GPR137B: variants seen among roughly 807,000 people sequenced by gnomAD.
The protein encoded by GPR137B is G protein-coupled receptor 137B.
In GPR137B, 42 loss-of-function variants were observed where a neutral mutation model predicts 42.5. The ratio of observed to expected loss-of-function variants is 0.99; its 90% confidence interval spans 0.77 to 1.28. The LOEUF (loss-of-function observed/expected upper bound fraction) is 1.28. Ranked by LOEUF, GPR137B falls within the 50% of genes most tolerant of loss-of-function variation. GPR137B has a pLI of 0.00. For missense variants in GPR137B, 487 were observed against 493.9 expected (o/e 0.99, Z 0.13); for synonymous variants, 218 against 209.7 (o/e 1.04, Z -0.34).
intron 1 of GPR137B, among the ~76,000 whole-genome samples, chr1:236,143,837 C>T (rs748052332): frequency 6.6e-6 from 1 of 152,188 alleles, no homozygotes; most frequent in Non-Finnish European, 1.5e-5. Context: ...AATGAAAGTG[C>T]AGTAATTGTT....
intron 5 of GPR137B, among the ~76,000 whole-genome samples, chr1:236,199,341 G>A (rs906057428): frequency 1.3e-5 from 2 of 151,974 alleles, no homozygotes; most frequent in Non-Finnish European, 2.9e-5. Flanking sequence ...ATGTTCATCA[G>A]GGATAAACAT....
At chr1:236,189,594 C>G (rs1403980938) in intron 5 of GPR137B, among the ~76,000 whole-genome samples, 1 of 152,154 alleles carries the variant, frequency 6.6e-6, no homozygotes, top group East Asian at 1.9e-4. Flanking sequence ...CATTCAGGAG[C>G]AGGTTATTCA....
intron 5 of GPR137B, among the ~76,000 whole-genome samples, chr1:236,187,030 A>G (rs1002668759): frequency 1.4e-4 from 22 of 152,164 alleles, no homozygotes; most frequent in African/African-American, 5.1e-4. Context: ...TGACTTTTTA[A>G]TGATCGCCAT....
chr1:236,149,809 C>T (rs1394166539), intron 1 of GPR137B, among the ~76,000 whole-genome samples: 2 of 152,290 alleles, frequency 1.3e-5, no homozygotes, highest in Non-Finnish European at 2.9e-5. Flanking sequence ...GCTCAGTGGG[C>T]TCATGGCCAG....
In GPR137B at chr1:236,183,903, C is replaced by G. The variant is rs1341886674; in HGVS notation, c.963C>G (p.Asp321Glu). Residue 321 changes from aspartate to glutamate, a missense_variant, in exon 5 of 7, where the codon GAC becomes GAG. Transcript: ENST00000366592. The stretch of plus-strand genomic sequence containing the variant: ...TCCGAGTTAGAAATCCTACAAAGGA[C>G]CTTGTAAGTAAACCATTTTACATTT... ...YFFRVRNPTK[D>E]LTNPGMVPSH... is the part of the protein sequence containing the mutation. 6.2e-7 allele frequency: 1 copy of G among 1,605,826 alleles called. No individual in the cohort carries two copies. Among genetic ancestry groups the G allele is most frequent in the South Asian group, 1.1e-5 (1 of 90,584 alleles).
intron 1 of GPR137B, among the ~76,000 whole-genome samples, chr1:236,147,742 C>T (rs1020484615): frequency 2.0e-5 from 3 of 152,210 alleles, no homozygotes; most frequent in Non-Finnish European, 4.4e-5. Flanking sequence ...CCCGGGCCCC[C>T]TTCCTGCCCA....
At chr1:236,196,980 A>G (rs987038339) in intron 5 of GPR137B, among the ~76,000 whole-genome samples, 22 of 152,248 alleles carry the variant, frequency 1.4e-4, no homozygotes, top group African/African-American at 5.1e-4. Flanking sequence ...GTAGATACCC[A>G]GTAAGTGGGA....
intron 1 of GPR137B, among the ~76,000 whole-genome samples, chr1:236,149,403 A>T (rs1661773473): frequency 6.6e-6 from 1 of 152,106 alleles, no homozygotes. Context: ...AGGCTGACCG[A>T]TCCGTGCTTG....
chr1:236,194,563 G>T (rs1285167781), intron 5 of GPR137B, among the ~76,000 whole-genome samples: 2 of 152,130 alleles, frequency 1.3e-5, no homozygotes, highest in Non-Finnish European at 2.9e-5. Flanking sequence ...CTTTTAAATA[G>T]GTCACTGATG....
At chr1:236,201,964 TCTC>T (rs1222661629) in intron 5 of GPR137B, among the ~76,000 whole-genome samples, 1 of 152,062 alleles carries the variant, frequency 6.6e-6, no homozygotes, top group African/African-American at 2.4e-5. Context: ...TGCTTCCCCT[TCTC>T]CTAGTGATGG....
chr1:236,159,101 A>G (rs1662112747), intron 1 of GPR137B, among the ~76,000 whole-genome samples: 1 of 152,160 alleles, frequency 6.6e-6, no homozygotes, highest in Non-Finnish European at 1.5e-5. Flanking sequence ...ACTTGAGTCT[A>G]GGAGTTCAAG....
intron 5 of GPR137B, among the ~76,000 whole-genome samples, chr1:236,196,592 G>A (rs1455412800): frequency 1.3e-5 from 2 of 152,156 alleles, no homozygotes; most frequent in Non-Finnish European, 2.9e-5. Flanking sequence ...CCAATGTGTA[G>A]TCTTTTATCC....
intron 2 of GPR137B, among the ~76,000 whole-genome samples, chr1:236,172,394 A>G (rs1355686556): frequency 3.3e-5 from 5 of 152,232 alleles, no homozygotes; most frequent in Non-Finnish European, 7.3e-5. Context: ...TTTCCACTCC[A>G]ATCTATTCCT....
Position 236,171,525 on chromosome 1 carries a change from G to C in GPR137B, c.464+2770G>C, listed in dbSNP as rs1413000687. On this transcript the variant is annotated intron_variant, in intron 2 of 6. Transcript: ENST00000366592. The surrounding 1 kb of genome is among the most constrained non-coding windows in gnomAD (Gnocchi z 4.4). The stretch of plus-strand genomic sequence containing the variant: ...TCTAGAGGTGGAATATAAAAGCACT[G>C]GTCAGAAAGGAAATTGTTTAAAAAG... 6.6e-6 allele frequency among the ~76,000 whole-genome samples: 1 copy of C among 152,198 alleles called. No homozygotes were observed. Among genetic ancestry groups the C allele is most frequent in the Non-Finnish European group, 1.5e-5 (1 of 68,036 alleles).
At chr1:236,194,222 C>A (rs545488943) in intron 5 of GPR137B, among the ~76,000 whole-genome samples, 7 of 128,842 alleles carry the variant, frequency 5.4e-5, no homozygotes, top group African/African-American at 2.4e-4. Flanking sequence ...CAGAATGTAA[C>A]CTCATCATAA....
chr1:236,171,849 A>G lies in GPR137B; in HGVS notation c.464+3094A>G, dbSNP rs1425039206. ...CACCTGAGATCAGGAGTTTGAGACC[A>G]TCCTGGCCAACATGGTGAAATCCCA... On this transcript the variant is annotated intron_variant, in intron 2 of 6. Coordinates refer to ENST00000366592, the MANE Select transcript of GPR137B (RefSeq NM_003272.4). The surrounding 1 kb of genome is among the most constrained non-coding windows in gnomAD (Gnocchi z 4.4). Among the ~76,000 whole-genome samples the G allele has an allele frequency of 6.6e-6, 1 of 152,112 alleles. No individual in the cohort carries two copies. The highest frequency in any genetic ancestry group is 1.5e-5 in the Non-Finnish European group (1 of 68,008).
chr1:236,199,353 G>T (rs899532995), intron 5 of GPR137B, among the ~76,000 whole-genome samples: 1 of 151,344 alleles, frequency 6.6e-6, no homozygotes, highest in African/African-American at 2.4e-5. Context: ...GATAAACATA[G>T]TTTTGCTATG....
intron 1 of GPR137B, among the ~76,000 whole-genome samples, chr1:236,147,977 G>T (rs973983822): frequency 4.6e-5 from 7 of 152,238 alleles, no homozygotes; most frequent in African/African-American, 1.7e-4. Context: ...ATGGAGTGCT[G>T]ACTACCTGTT....
At chr1:236,182,498 A>G (rs1200312144) in intron 4 of GPR137B, among the ~76,000 whole-genome samples, 1 of 152,164 alleles carries the variant, frequency 6.6e-6, no homozygotes, top group Non-Finnish European at 1.5e-5. Flanking sequence ...CTGTAATCCC[A>G]GCATTTTGGG....
Sources: gnomAD v4.1 joint callset for allele counts (sites outside exome capture counted in the v4.1 genomes callset) on GRCh38, gnomAD v4.1.1 for gene constraint, Gnocchi (gnomAD v3.1) non-coding constraint, MANE v1.5 for transcripts, NCBI Gene and HGNC (gene_info 2026-07-23, HGNC 2026-07-21) for gene names.